The following NTRK3 variants were observed in gnomAD, a reference collection of about 807,000 sequenced individuals.
The protein encoded by NTRK3 is neurotrophic receptor tyrosine kinase 3.
NTRK3 carries 24 observed loss-of-function variants against 91.7 expected under a neutral mutation model. The observed-to-expected ratio is 0.26, with a 90% CI of 0.19 to 0.37. The LOEUF is 0.37. Among genes scored for constraint, NTRK3 ranks in the 10% least tolerant of loss-of-function variants. The pLI, the probability that NTRK3 is intolerant of heterozygous loss-of-function variation, is 1.00. For missense variants in NTRK3, 880 were observed against 1,068.9 expected, an observed-to-expected ratio of 0.82 and a Z score of 2.46; for synonymous variants, 483 against 404.0, an observed-to-expected ratio of 1.20 and a Z score of -2.34.
chr15:87,912,931 AATATATATATATATATATATAT>A (rs58367924), intron 17 of NTRK3, among the ~76,000 whole-genome samples: 19 of 36,504 alleles, frequency 5.2e-4, no homozygotes, highest in East Asian at 7.9e-4. Flanking sequence ...AGTAAAAAAA[AATATATATATATATATATATAT>A]ATATATATAT....
intron 3 of NTRK3, chr15:88,253,002 C>A (rs1431083019): frequency 1.3e-5 from 2 of 152,328 alleles, no homozygotes; most frequent in African/African-American, 4.8e-5. Context: ...CACAGGGAAA[C>A]CTCTTGTCCC....
chr15:87,959,322 C>T (rs1178679465), intron 14 of NTRK3, among the ~76,000 whole-genome samples: 1 of 152,218 alleles, frequency 6.6e-6, no homozygotes, highest in African/African-American at 2.4e-5. Context: ...GACAGTGGTG[C>T]TCAATAAGTA....
chr15:88,140,893 C>T lies in NTRK3; in HGVS notation c.465-3332G>A, dbSNP rs116943674. ...AACTGGAGAGAGGGAAGAGAAGATC[C>T]AGTTAACATCACAAGGAAGGCAAAA... On this transcript the variant is annotated intron_variant, in intron 6 of 18. Transcript: ENST00000394480. Among the ~76,000 whole-genome samples, 393 of 152,222 alleles carry T rather than the reference C, an allele frequency of 2.6e-3. 7 individuals are homozygous for T. The East Asian group carries it at 0.037, about 14-fold the overall frequency.
chr15:88,221,903 A>T (rs568254654), intron 3 of NTRK3, among the ~76,000 whole-genome samples: 8 of 152,352 alleles, frequency 5.3e-5, no homozygotes, highest in African/African-American at 1.7e-4. Flanking sequence ...ACAATATAAG[A>T]TTAATTTATC....
At chr15:88,006,154 C>T (rs1395506926) in intron 14 of NTRK3, among the ~76,000 whole-genome samples, 1 of 152,150 alleles carries the variant, frequency 6.6e-6, no homozygotes, top group African/African-American at 2.4e-5. Flanking sequence ...CAGCAAGCAC[C>T]AGGGTGGATG....
At chr15:88,020,406 A>G (rs2077518882) in intron 14 of NTRK3, among the ~76,000 whole-genome samples, 1 of 152,146 alleles carries the variant, frequency 6.6e-6, no homozygotes, top group South Asian at 2.1e-4. Flanking sequence ...GAGCCGGGTG[A>G]TAAAATGCTG....
intron 14 of NTRK3, among the ~76,000 whole-genome samples, chr15:87,988,261 C>A (rs954131677): frequency 6.6e-6 from 1 of 152,108 alleles, no homozygotes; most frequent in African/African-American, 2.4e-5. Context: ...TGAAACCTGA[C>A]CATCAAGGTA....
chr15:88,153,907 C>A (rs373640714), intron 5 of NTRK3, among the ~76,000 whole-genome samples: 1 of 152,020 alleles, frequency 6.6e-6, no homozygotes, highest in Admixed American at 6.5e-5. Flanking sequence ...CTTCGATATA[C>A]GAATTTTGGG....
chr15:87,995,738 C>G (rs552560608), intron 14 of NTRK3, among the ~76,000 whole-genome samples: 2 of 152,248 alleles, frequency 1.3e-5, no homozygotes, highest in East Asian at 3.9e-4. Flanking sequence ...AAGAGACAGA[C>G]AGTAAATATT....
At chr15:88,249,358 A>G (rs527470173) in intron 3 of NTRK3, among the ~76,000 whole-genome samples, 2 of 152,236 alleles carry the variant, frequency 1.3e-5, no homozygotes, top group South Asian at 2.1e-4. Flanking sequence ...GCCTCTGGGG[A>G]CCCTGAATTT....
chr15:88,254,670 A>T (rs914465368), intron 3 of NTRK3, among the ~76,000 whole-genome samples: 7 of 152,160 alleles, frequency 4.6e-5, no homozygotes, highest in Non-Finnish European at 7.3e-5. Flanking sequence ...GCAGCACCAA[A>T]GGCAGGTCCG....
intron 13 of NTRK3, among the ~76,000 whole-genome samples, chr15:88,124,449 C>G (rs998252445): frequency 1.3e-5 from 2 of 152,234 alleles, no homozygotes; most frequent in Non-Finnish European, 2.9e-5. Flanking sequence ...TCTGCTCTTA[C>G]AGCACTGCCA....
At chr15:88,111,116 G>A (rs558714418) in intron 13 of NTRK3, among the ~76,000 whole-genome samples, 138 of 152,324 alleles carry the variant, frequency 9.1e-4, no homozygotes, top group Admixed American at 2.2e-3. Flanking sequence ...GATGATGAGC[G>A]ATGGGGTGGG....
intron 13 of NTRK3, among the ~76,000 whole-genome samples, chr15:88,091,348 A>G (rs1423884147): frequency 6.6e-6 from 1 of 152,218 alleles, no homozygotes; most frequent in Non-Finnish European, 1.5e-5. Context: ...GGTAGTGGTA[A>G]TACTGTTTCC....
chr15:88,109,367 G>A lies in NTRK3; in HGVS notation c.1396+16904C>T, dbSNP rs139725394. On this transcript the variant is annotated intron_variant, in intron 13 of 18. Transcript: ENST00000394480. ...ACCCCAACCTCACCAACCTCGAATC[G>A]TGGTCCTTCATCCTTAAGCCACCTA... 6.5e-3 allele frequency among the ~76,000 whole-genome samples: 995 copies of A among 152,282 alleles called. 13 individuals carry two copies. The highest frequency in any genetic ancestry group is 0.023 in the African/African-American group (947 of 41,558).
intron 13 of NTRK3, among the ~76,000 whole-genome samples, chr15:88,045,291 C>T (rs1229726694): frequency 6.6e-6 from 1 of 152,296 alleles, no homozygotes; most frequent in African/African-American, 2.4e-5. Flanking sequence ...AGTAAGGAAC[C>T]TGTCTGCATT....
rs116161989 is a variant in NTRK3, at chr15:88,200,307, G to T, written c.249-16008C>A. Among the ~76,000 whole-genome samples, 340 of 152,324 alleles carry T rather than the reference G, an allele frequency of 2.2e-3. 3 individuals carry two copies. The highest frequency in any genetic ancestry group is 7.6e-3 in the African/African-American group (317 of 41,564). On this transcript the variant is annotated intron_variant, in intron 3 of 18. Coordinates refer to ENST00000394480, the Ensembl canonical transcript of NTRK3. The stretch of plus-strand genomic sequence containing the variant: ...TATCCAGGCCTAATCCCAACAGCAG[G>T]TATGGCCTGGAACTCCACTTCATTT...
At chr15:88,197,168 C>T (rs906718962) in intron 3 of NTRK3, among the ~76,000 whole-genome samples, 6 of 130,718 alleles carry the variant, frequency 4.6e-5, no homozygotes, top group African/African-American at 1.7e-4. Context: ...GGGCACAGTA[C>T]ATGGAAGGAC....
At chr15:87,944,421 A>T (rs1020792539) in intron 14 of NTRK3, among the ~76,000 whole-genome samples, 23 of 152,214 alleles carry the variant, frequency 1.5e-4, no homozygotes, top group African/African-American at 5.5e-4. Flanking sequence ...TGTGTTCAAC[A>T]CTTGATTCTC....
Sources: gnomAD v4.1 joint callset for allele counts (sites outside exome capture counted in the v4.1 genomes callset) on GRCh38, gnomAD v4.1.1 for gene constraint, MANE v1.5 for transcripts, NCBI Gene and HGNC (gene_info 2026-07-23, HGNC 2026-07-21) for gene names.